CDC37L1: variants seen among roughly 807,000 people sequenced by gnomAD.
The protein encoded by CDC37L1 is hsp90 co-chaperone Cdc37-like 1.
In CDC37L1, 32 loss-of-function variants were observed where a neutral mutation model predicts 45.9. The observed-to-expected ratio is 0.70, with a 90% CI of 0.53 to 0.94. CDC37L1 has a LOEUF of 0.94. Among genes scored for constraint, CDC37L1 ranks in the 40% least tolerant of loss-of-function variants. The pLI, the probability that CDC37L1 is intolerant of heterozygous loss-of-function variation, is 0.00. For missense variants in CDC37L1, 434 were observed against 405.7 expected, an observed-to-expected ratio of 1.07 and a Z score of -0.60; for synonymous variants, 150 against 133.0, an observed-to-expected ratio of 1.13 and a Z score of -0.88.
At chr9:4,685,452 G>T in intron 2 of CDC37L1, 1 of 254,574 alleles carries the variant, frequency 3.9e-6, no homozygotes, top group East Asian at 8.1e-5. Flanking sequence ...ATATAAGGAT[G>T]GGAAAATATA....
chr9:4,702,855 C>G (rs1453899220), intron 6 of CDC37L1, among the ~76,000 whole-genome samples: 2 of 140,780 alleles, frequency 1.4e-5, no homozygotes, highest in African/African-American at 5.3e-5. Context: ...AGCCACTGCA[C>G]TCCAGCCTGG....
chr9:4,690,649 G>A (rs915058294), intron 3 of CDC37L1, among the ~76,000 whole-genome samples: 7 of 152,168 alleles, frequency 4.6e-5, no homozygotes, highest in African/African-American at 1.4e-4. Flanking sequence ...TTGCTGTTAC[G>A]TGTTGTGAAC....
chr9:4,689,264 A>G (rs1276411599), intron 3 of CDC37L1, among the ~76,000 whole-genome samples: 1 of 152,116 alleles, frequency 6.6e-6, no homozygotes, highest in Admixed American at 6.6e-5. Context: ...AATTATAGGC[A>G]GCATGATACC....
intron 3 of CDC37L1, among the ~76,000 whole-genome samples, chr9:4,691,571 G>A (rs780628696): frequency 3.3e-5 from 5 of 151,998 alleles, no homozygotes; most frequent in Admixed American, 1.3e-4. Flanking sequence ...TGGTTGACAC[G>A]GGCCTGGTGT....
At chr9:4,705,313 G>A (rs1005119728) in intron 6 of CDC37L1, among the ~76,000 whole-genome samples, 2 of 151,996 alleles carry the variant, frequency 1.3e-5, no homozygotes, top group African/African-American at 4.8e-5. Context: ...GGGTCTTAAG[G>A]GCTATACCCT....
chr9:4,703,085 G>A, intron 6 of CDC37L1: 1 of 1,541,360 alleles, frequency 6.5e-7, no homozygotes, highest in Non-Finnish European at 8.8e-7. Flanking sequence ...CTCATTTCCA[G>A]GCTCCAAGAT....
At chr9:4,702,112 T>C (rs62542909) in intron 6 of CDC37L1, 84 bp downstream of exon 6, 2 of 575,790 alleles carry the variant, frequency 3.5e-6, no homozygotes, top group East Asian at 3.3e-5. Context: ...TTTTTTTTTT[T>C]AATATGTGCT....
At chr9:4,679,959 A>G (rs1413707100) in intron 1 of CDC37L1, 60 bp downstream of exon 1, 1 of 1,595,892 alleles carries the variant, frequency 6.3e-7, no homozygotes, top group African/African-American at 1.3e-5. Flanking sequence ...AACCCCTGGA[A>G]TGCCGCGTCT....
At chr9:4,695,411 C>T (rs1369440263) in intron 3 of CDC37L1, among the ~76,000 whole-genome samples, 4 of 152,130 alleles carry the variant, frequency 2.6e-5, no homozygotes, top group Non-Finnish European at 5.9e-5. Context: ...TTCAAATGAC[C>T]TAATCATTAT....
rs368151824 is a variant in CDC37L1, at chr9:4,697,929, G to A, written c.747+50G>A. ...AATGGGAAGATTTGGTCCCAGCTGA[G>A]ACCTCTTTGTTCTGTTCATATCAAT... On this transcript the variant is annotated intron_variant, in intron 5 of 6. Transcript: ENST00000381854. 3 of 1,580,648 alleles carry A rather than the reference G, an allele frequency of 1.9e-6. No individual in the cohort carries two copies. The South Asian group carries it at 3.3e-5, about 18-fold the overall frequency.
At chr9:4,692,325 A>G (rs2130848443) in intron 3 of CDC37L1, among the ~76,000 whole-genome samples, 1 of 151,370 alleles carries the variant, frequency 6.6e-6, no homozygotes, top group East Asian at 1.9e-4. Context: ...GCTGGAGTAC[A>G]GTGGTGTGAT....
At position 4,683,013 on chromosome 9, in the gene CDC37L1, A is replaced by G. The variant is rs1563766676; in HGVS notation, c.133-1864A>G. ...TTTTATATTAAAATATAATATATATATTAAATATATATTATATTTATATAT... is the reference window on the plus strand; with the variant it reads ...TTTTATATTAAAATATAATATATATGTTAAATATATATTATATTTATATAT... On this transcript the variant is annotated intron_variant, in intron 1 of 6. Coordinates refer to ENST00000381854, the MANE Select transcript of CDC37L1 (RefSeq NM_017913.4). Among the ~76,000 whole-genome samples the G allele has an allele frequency of 1.5e-4, 21 of 142,926 alleles. No individual in the cohort carries two copies. In the South Asian group the frequency reaches 3.8e-3, roughly 26 times the overall value. 93.8% of individuals were successfully genotyped at this position (142,926 alleles called of 152,430 possible). A position where few individuals can be genotyped will look rare whatever the true frequency, so the allele number is the denominator to read the frequency against.
Position 4,679,846 on chromosome 9 carries a change from G to C in CDC37L1, c.79G>C (p.Asp27His), listed in dbSNP as rs138614276. The change falls in exon 1 of 7, where the codon GAC becomes CAC. Residue 27 changes from aspartate to histidine, a missense_variant. Asp to His is a moderately conservative substitution (Grantham distance 81). Coordinates refer to ENST00000381854, the MANE Select transcript of CDC37L1 (RefSeq NM_017913.4). ...EGEAEEESDF[D>H]VFPSSPRCPQ... ...TGAGGCTGAGGAAGAGAGTGACTTC[G>C]ACGTGTTCCCCAGTTCTCCCCGCTG... 6.9e-4 allele frequency: 1,111 copies of C among 1,613,982 alleles called. 12 individuals carry two copies. The highest frequency in any genetic ancestry group is 3.3e-4 in the Middle Eastern group (2 of 6,062).
chr9:4,696,971 G>A, intron 3 of CDC37L1, 125 bp from the exon 4 acceptor site: 2 of 592,688 alleles, frequency 3.4e-6, no homozygotes, highest in Middle Eastern at 4.5e-4. Context: ...AATATGAATT[G>A]TCTTTAAAGA....
rs770576182 is a variant in CDC37L1 at position 4,701,852 on chromosome 9, T to G, written c.748-12T>G. ...AGAACACAGTCTTTGTTTTTTTTTT[T>G]GTTTTTTCTAGGCAGAGGAAGAAGG... On this transcript the variant is annotated splice_polypyrimidine_tract_variant and intron_variant, in intron 5 of 6. Transcript: ENST00000381854. The G allele has an allele frequency of 1.0e-5, 16 of 1,546,032 alleles. No individual in the cohort carries two copies. Among genetic ancestry groups the G allele is most frequent in the East Asian group, 2.3e-5 (1 of 44,040 alleles).
intron 6 of CDC37L1, among the ~76,000 whole-genome samples, chr9:4,702,838 G>A (rs548347679): frequency 6.4e-4 from 86 of 134,950 alleles, no homozygotes; most frequent in Middle Eastern, 4.8e-3. Flanking sequence ...GCAGTGAGCC[G>A]AGATCGAGCC....
chr9:4,705,523 G>T (rs1841434005), intron 6 of CDC37L1, among the ~76,000 whole-genome samples: 1 of 152,072 alleles, frequency 6.6e-6, no homozygotes. Flanking sequence ...CACTGAGTTT[G>T]TTTTAACCTT....
intron 2 of CDC37L1, among the ~76,000 whole-genome samples, chr9:4,687,311 G>A (rs913565796): frequency 6.6e-6 from 1 of 152,112 alleles, no homozygotes; most frequent in African/African-American, 2.4e-5. Context: ...CTGAAAATAA[G>A]TACTTCCTTA....
At chr9:4,683,022 ATAT>A (rs931770807) in intron 1 of CDC37L1, among the ~76,000 whole-genome samples, 13 of 142,788 alleles carry the variant, frequency 9.1e-5, no homozygotes, top group South Asian at 2.1e-4. Context: ...TATTAAATAT[ATAT>A]TATATTTATA....
Sources: allele counts gnomAD v4.1 joint callset (sites outside exome capture counted in the v4.1 genomes callset), GRCh38; gene constraint gnomAD v4.1.1; transcripts MANE v1.5; gene names NCBI Gene and HGNC (gene_info 2026-07-23, HGNC 2026-07-21).